The following ABCC1 variants were observed in gnomAD, a reference collection of about 807,000 sequenced individuals.
The protein encoded by ABCC1 is multidrug resistance-associated protein 1.
ABCC1 carries 83 observed loss-of-function variants against 172.9 expected under a neutral mutation model. The ratio of observed to expected loss-of-function variants is 0.48; its 90% CI spans 0.40 to 0.58. The LOEUF (loss-of-function observed/expected upper bound fraction) is 0.58. ABCC1 is among the 20% of genes least tolerant of loss of function. The pLI is 0.00. For missense variants in ABCC1, 1,817 were observed against 2,002.7 expected (o/e 0.91, Z 1.77); for synonymous variants, 937 against 825.2 (o/e 1.14, Z -2.32).
At chr16:15,996,334 A>G (rs2047055973) in intron 1 of ABCC1, among the ~76,000 whole-genome samples, 1 of 151,974 alleles carries the variant, frequency 6.6e-6, no homozygotes, top group South Asian at 2.1e-4. Context: ...GTGTTGCCCA[A>G]GCTGATCTGA....
At chr16:16,095,347 G>C (rs1316324924) in intron 19 of ABCC1, 1 of 152,254 alleles carries the variant, frequency 6.6e-6, no homozygotes, top group Non-Finnish European at 1.5e-5. Context: ...AATACCTAGA[G>C]CAGTGGTTTT....
At chr16:16,111,901 C>G (rs2052403975) in intron 22 of ABCC1, among the ~76,000 whole-genome samples, 1 of 152,198 alleles carries the variant, frequency 6.6e-6, no homozygotes, top group African/African-American at 2.4e-5. Context: ...TGCTTTGTCA[C>G]AGTGACAGAG....
chr16:16,053,774 C>CAAAAAAAAAAAAA (rs10526186), intron 11 of ABCC1, among the ~76,000 whole-genome samples: 3 of 36,218 alleles, frequency 8.3e-5, no homozygotes, highest in Non-Finnish European at 2.1e-4. Context: ...GACCCTGTCT[C>CAAAAAAAAAAAAA]AAAAAAAAAA....
chr16:16,077,273 C>T (rs1305270243), intron 15 of ABCC1, among the ~76,000 whole-genome samples: 1 of 152,202 alleles, frequency 6.6e-6, no homozygotes, highest in East Asian at 1.9e-4. Flanking sequence ...GAGAGAAACT[C>T]TCCAGAGAAA....
At chr16:16,103,957 C>G (rs932061918) in intron 20 of ABCC1, among the ~76,000 whole-genome samples, 1 of 152,016 alleles carries the variant, frequency 6.6e-6, no homozygotes, top group Non-Finnish European at 1.5e-5. Flanking sequence ...GAGTTTCTTC[C>G]TTCTGGTGGG....
intron 22 of ABCC1, among the ~76,000 whole-genome samples, chr16:16,114,538 A>G (rs770469921): frequency 2.6e-5 from 4 of 151,908 alleles, no homozygotes; most frequent in African/African-American, 4.8e-5. Flanking sequence ...ACGGAGTTTC[A>G]CTGTGTTGGC....
rs2046129842 is a variant in ABCC1, at chr16:16,141,616, T to C, written c.*335T>C. 1.2e-4 allele frequency: 39 copies of C among 321,998 alleles called. No homozygotes were observed. In the South Asian group the frequency reaches 1.9e-3, roughly 15 times the overall value. The allele number at this position is 321,998 out of a possible 1,614,324, so 19.9% of individuals were successfully genotyped here. A position where few individuals can be genotyped will look rare whatever the true frequency, so the allele number is the denominator to read the frequency against. On this transcript the variant is annotated 3_prime_UTR_variant, in exon 31 of 31. Coordinates refer to ENST00000399410, the MANE Select transcript of ABCC1 (RefSeq NM_004996.4). ...GGAGGAGTTTTGGCAGCCAGACTTC[T>C]GGAGGAATTGGTTGTATAGAAGATC...
intron 2 of ABCC1, 73 bp downstream of exon 2, chr16:16,008,065 C>CG: frequency 7.1e-7 from 1 of 1,408,836 alleles, no homozygotes; most frequent in Non-Finnish European, 9.7e-7. Flanking sequence ...TTGGTGATAA[C>CG]TGACATTTCT....
At chr16:16,027,682 G>A (rs756212243) in intron 5 of ABCC1, among the ~76,000 whole-genome samples, 1 of 152,118 alleles carries the variant, frequency 6.6e-6, no homozygotes, top group African/African-American at 2.4e-5. Context: ...GTGTTGTGGT[G>A]TGCGTCTGTA....
chr16:16,020,935 G>A (rs984708269), intron 5 of ABCC1, among the ~76,000 whole-genome samples: 5 of 152,166 alleles, frequency 3.3e-5, no homozygotes, highest in African/African-American at 1.2e-4. Flanking sequence ...TCGAACTCAC[G>A]ACTGGCTGTT....
chr16:16,031,887 G>C (rs575204746), intron 5 of ABCC1, among the ~76,000 whole-genome samples: 2 of 152,288 alleles, frequency 1.3e-5, no homozygotes, highest in East Asian at 3.9e-4. Context: ...GTCTCTCTCT[G>C]GAGCCTGACT....
intron 14 of ABCC1, 86 bp downstream of exon 14, chr16:16,071,815 G>A: frequency 7.9e-7 from 1 of 1,272,750 alleles, no homozygotes; most frequent in Non-Finnish European, 1.1e-6. Flanking sequence ...TCTTTCCCTT[G>A]GCTGCCCTCA....
intron 12 of ABCC1, among the ~76,000 whole-genome samples, chr16:16,066,528 T>C (rs2151945300): frequency 6.6e-6 from 1 of 152,304 alleles, no homozygotes; most frequent in East Asian, 1.9e-4. Context: ...ATCCATGTTT[T>C]AGCATGTATA....
At chr16:16,018,579 T>C (rs2151773305) in intron 5 of ABCC1, among the ~76,000 whole-genome samples, 1 of 151,950 alleles carries the variant, frequency 6.6e-6, no homozygotes, top group South Asian at 2.1e-4. Flanking sequence ...CATGTCCCAG[T>C]GTATGTTCTG....
chr16:15,997,822 TTTTTTC>T (rs1196301300), intron 1 of ABCC1, among the ~76,000 whole-genome samples: 2 of 140,296 alleles, frequency 1.4e-5, no homozygotes, highest in South Asian at 2.4e-4. Context: ...TTTTTTTTTT[TTTTTTC>T]CCTGAGACAG....
At chr16:16,029,558 A>C (rs562462157) in intron 5 of ABCC1, among the ~76,000 whole-genome samples, 76 of 152,310 alleles carry the variant, frequency 5.0e-4, no homozygotes, top group Non-Finnish European at 1.0e-3. Context: ...GCATAGGTGA[A>C]CGTTTTAATA....
In ABCC1 at chr16:16,125,498, G is replaced by A. The variant is rs45581139; in HGVS notation, c.3718-312G>A. Among the ~76,000 whole-genome samples the A allele has an allele frequency of 3.8e-3, 577 of 151,282 alleles. 10 individuals are homozygous for A. Among genetic ancestry groups the A allele is most frequent in the African/African-American group, 0.014 (560 of 41,158 alleles). ...GGCTGGAATGCAGTGGTGGGATCTC[G>A]GCTCACTGCAACCTCTGCCTCCTGG... On this transcript the variant is annotated intron_variant, in intron 25 of 30. Coordinates refer to ENST00000399410, the MANE Select transcript of ABCC1 (RefSeq NM_004996.4).
chr16:16,138,339 T>C, intron 29 of ABCC1, 25 bp from the exon 30 acceptor site: 1 of 1,554,762 alleles, frequency 6.4e-7, no homozygotes, highest in Admixed American at 1.8e-5. Flanking sequence ...CAACACTATC[T>C]CCTGGTTTTT....
intron 21 of ABCC1, 147 bp downstream of exon 21, chr16:16,107,020 C>T (rs2052151854): frequency 8.0e-7 from 1 of 1,257,440 alleles, no homozygotes. Context: ...GCACCAGAAA[C>T]TGAGGCCAGA....
Sources: allele counts gnomAD v4.1 joint callset (sites outside exome capture counted in the v4.1 genomes callset), GRCh38; gene constraint gnomAD v4.1.1; transcripts MANE v1.5; gene names NCBI Gene and HGNC (gene_info 2026-07-23, HGNC 2026-07-21).